The following GATAD2B variants were observed in gnomAD, a reference collection of about 807,000 sequenced individuals.
GATAD2B encodes the protein GATA zinc finger domain containing 2B.
A neutral mutation model predicts 64.3 loss-of-function variants in GATAD2B; 8 were observed. The observed-to-expected ratio is 0.12, with a 90% CI of 0.07 to 0.22. The LOEUF (loss-of-function observed/expected upper bound fraction) is 0.22. GATAD2B is among the 10% of genes least tolerant of loss of function. GATAD2B has a pLI of 1.00. For synonymous variants in GATAD2B, 281 were observed against 271.3 expected, an observed-to-expected ratio of 1.04 and a Z score of -0.35; for missense variants, 453 against 752.0, an observed-to-expected ratio of 0.60 and a Z score of 4.65.
At chr1:153,915,718 A>G (rs1436481453) in intron 1 of GATAD2B, among the ~76,000 whole-genome samples, 1 of 148,292 alleles carries the variant, frequency 6.7e-6, no homozygotes, top group African/African-American at 2.5e-5. Flanking sequence ...GAGCCTGGGC[A>G]ACAGAGCCAG....
At chr1:153,830,053 A>T (rs983124345) in intron 1 of GATAD2B, among the ~76,000 whole-genome samples, 8 of 151,444 alleles carry the variant, frequency 5.3e-5, no homozygotes, top group Non-Finnish European at 4.4e-5. Context: ...CCAAGATCAC[A>T]CCACTGCATT....
chr1:153,913,727 G>A (rs1260745445), intron 1 of GATAD2B, among the ~76,000 whole-genome samples: 1 of 151,700 alleles, frequency 6.6e-6, no homozygotes, highest in African/African-American at 2.4e-5. Flanking sequence ...GACCATCCTG[G>A]CTAACACGGT....
chr1:153,899,759 T>G (rs1321238854), intron 1 of GATAD2B, among the ~76,000 whole-genome samples: 2 of 152,088 alleles, frequency 1.3e-5, no homozygotes, highest in Non-Finnish European at 2.9e-5. Context: ...TTCTCTCAAG[T>G]TTACATTTCA....
chr1:153,854,688 C>T (rs1187364165), intron 1 of GATAD2B, among the ~76,000 whole-genome samples: 1 of 152,192 alleles, frequency 6.6e-6, no homozygotes, highest in African/African-American at 2.4e-5. Flanking sequence ...GTCTATTATA[C>T]TGCCATTATA....
rs1299404819 is a variant in GATAD2B at position 153,806,992 on chromosome 1, G to A, written c.*3185C>T. 1 of 152,060 alleles carries A rather than the reference G, an allele frequency of 6.6e-6. No individual in the cohort carries two copies. Among genetic ancestry groups the A allele is most frequent in the African/African-American group, 2.4e-5 (1 of 41,398 alleles). 9.4% of individuals were successfully genotyped at this position (152,060 alleles called of 1,614,324 possible). The stretch of plus-strand genomic sequence containing the variant: ...TACCATACATATATCCAAAAATGTG[G>A]GAAAAATACTTATTCCAGGGAGAGA... On this transcript the variant is annotated 3_prime_UTR_variant, in exon 11 of 11. Transcript: ENST00000368655.
At chr1:153,864,697 C>A (rs1676419753) in intron 1 of GATAD2B, among the ~76,000 whole-genome samples, 1 of 152,152 alleles carries the variant, frequency 6.6e-6, no homozygotes, top group Admixed American at 6.6e-5. Flanking sequence ...CAACAAAAAA[C>A]CAAGTATCTA....
At chr1:153,886,769 G>A (rs371298416) in intron 1 of GATAD2B, among the ~76,000 whole-genome samples, 3 of 151,280 alleles carry the variant, frequency 2.0e-5, no homozygotes, top group African/African-American at 4.9e-5. Context: ...CTGTGTTAGC[G>A]AGGATGGTCT....
intron 1 of GATAD2B, among the ~76,000 whole-genome samples, chr1:153,892,513 T>C (rs569234405): frequency 5.9e-5 from 9 of 152,214 alleles, no homozygotes; most frequent in Admixed American, 2.0e-4. Context: ...CATGAATACA[T>C]AGCTGCTCAT....
chr1:153,841,211 T>A (rs1021006606), intron 1 of GATAD2B, among the ~76,000 whole-genome samples: 4 of 151,854 alleles, frequency 2.6e-5, no homozygotes, highest in Admixed American at 2.6e-4. Context: ...CCCCCAATGG[T>A]AACATCTTGC....
At chr1:153,905,772 C>CAA (rs35273428) in intron 1 of GATAD2B, among the ~76,000 whole-genome samples, 2 of 142,708 alleles carry the variant, frequency 1.4e-5, no homozygotes, top group African/African-American at 5.2e-5. Flanking sequence ...GTCTCTCAAA[C>CAA]AAAAAAAAAA....
At position 153,813,558 on chromosome 1, in the gene GATAD2B, G is replaced by A; in HGVS notation, c.1217-106C>T. 6.7e-6 allele frequency: 5 copies of A among 745,636 alleles called. No individual in the cohort carries two copies. The Admixed American group carries it at 1.1e-4, about 16-fold the overall frequency. The allele number at this position is 745,636 out of a possible 1,614,324, so 46.2% of individuals were successfully genotyped here. On this transcript the variant is annotated intron_variant, in intron 7 of 10. Coordinates refer to ENST00000368655, the MANE Select transcript of GATAD2B (RefSeq NM_020699.4). ...AGTTTATTCTGTTGAATTAAAGAAA[G>A]AGACTTTACAAAAAGGATATTCTAT...
intron 1 of GATAD2B, among the ~76,000 whole-genome samples, chr1:153,867,789 G>T (rs915422118): frequency 1.3e-5 from 2 of 152,142 alleles, no homozygotes; most frequent in Admixed American, 1.3e-4. Flanking sequence ...GAACCCAGGA[G>T]ACAGAGGTTG....
chr1:153,870,697 T>C (rs1424674590), intron 1 of GATAD2B, among the ~76,000 whole-genome samples: 1 of 152,210 alleles, frequency 6.6e-6, no homozygotes, highest in Non-Finnish European at 1.5e-5. Flanking sequence ...CTTCAAGCTA[T>C]ATGTTTAAGG....
intron 1 of GATAD2B, among the ~76,000 whole-genome samples, chr1:153,861,809 T>TATATAC (rs1294838675): frequency 0.077 from 9,072 of 118,286 alleles, 725 homozygotes; most frequent in Admixed American, 0.11. Context: ...TATATATATA[T>TATATAC]ACACATATGT....
chr1:153,876,731 G>A (rs865844551), intron 1 of GATAD2B, among the ~76,000 whole-genome samples: 1 of 152,200 alleles, frequency 6.6e-6, no homozygotes, highest in Admixed American at 6.6e-5. Context: ...AGGTCAGGGC[G>A]GTGGCTCATG....
At chr1:153,905,553 G>GAAAAAAAAAAAAAAA (rs769120730) in intron 1 of GATAD2B, among the ~76,000 whole-genome samples, 1 of 64,660 alleles carries the variant, frequency 1.5e-5, no homozygotes, top group Non-Finnish European at 3.2e-5. Flanking sequence ...AACAATTTTG[G>GAAAAAAAAAAAAAAA]AAAAAAAAAA....
At chr1:153,854,872 CAATT>C in intron 1 of GATAD2B, among the ~76,000 whole-genome samples, 1 of 152,142 alleles carries the variant, frequency 6.6e-6, no homozygotes, top group African/African-American at 2.4e-5. Context: ...GGCATTGAGA[CAATT>C]AACATGGAAA....
At chr1:153,855,080 G>A (rs1359971924) in intron 1 of GATAD2B, among the ~76,000 whole-genome samples, 2 of 152,082 alleles carry the variant, frequency 1.3e-5, no homozygotes, top group Non-Finnish European at 2.9e-5. Context: ...GATACTATGG[G>A]GAACTGGGTA....
intron 1 of GATAD2B, among the ~76,000 whole-genome samples, chr1:153,894,882 G>A (rs1377380498): frequency 6.6e-6 from 1 of 151,556 alleles, no homozygotes; most frequent in African/African-American, 2.4e-5. Flanking sequence ...ACAAAGGCTG[G>A]GCGAGGTGGC....
Sources: gnomAD v4.1 joint callset for allele counts (sites outside exome capture counted in the v4.1 genomes callset) on GRCh38, gnomAD v4.1.1 for gene constraint, MANE v1.5 for transcripts, NCBI Gene and HGNC (gene_info 2026-07-23, HGNC 2026-07-21) for gene names.